ARHGEF7: variants seen among roughly 807,000 people sequenced by gnomAD.
The protein encoded by ARHGEF7 is Rho guanine nucleotide exchange factor 7.
ARHGEF7 carries 33 observed loss-of-function variants against 109.8 expected under a neutral mutation model. The observed-to-expected ratio is 0.30, with a 90% CI of 0.23 to 0.40. ARHGEF7 has a LOEUF of 0.40. Among genes scored for constraint, ARHGEF7 ranks in the 10% least tolerant of loss-of-function variants. The probability of loss-of-function intolerance (pLI) is 1.00; values close to 1 mark genes in which losing one functional copy is unlikely to be tolerated. For missense variants in ARHGEF7, 938 were observed against 1,098.5 expected (o/e 0.85, Z 2.07); for synonymous variants, 458 against 424.6 (o/e 1.08, Z -0.97).
At chr13:111,116,719 G>A (rs541485047) in intron 1 of ARHGEF7, 1 of 152,266 alleles carries the variant, frequency 6.6e-6, no homozygotes, top group South Asian at 2.1e-4. Flanking sequence ...ACAACAACTT[G>A]TAAATAAAAT....
chr13:111,186,328 G>A (rs1293901954), intron 2 of ARHGEF7, among the ~76,000 whole-genome samples: 1 of 152,164 alleles, frequency 6.6e-6, no homozygotes, highest in African/African-American at 2.4e-5. Flanking sequence ...TAGTGTTTGG[G>A]TGTTGATACA....
Position 111,292,262 on chromosome 13 carries a change from C to T in ARHGEF7, c.2279C>T (p.Thr760Ile). The T allele has an allele frequency of 6.2e-7, 1 of 1,614,224 alleles. No individual in the cohort carries two copies. Among genetic ancestry groups the T allele is most frequent in the Admixed American group, 1.7e-5 (1 of 60,032 alleles). The change falls in exon 19 of 22, where the codon ACA (threonine) becomes ATA (isoleucine). Residue 760 changes from threonine (T) to isoleucine (I), a missense_variant. By Grantham distance (89) the Thr-to-Ile change is moderately conservative. Coordinates refer to ENST00000646102, the MANE Select transcript of ARHGEF7 (RefSeq NM_001354046.2). ...GACTCTGACTATGACAGTATATGGA[C>T]AGCCCATAGTTACAGAATGGGTTCT... ...SEDSDYDSIWTAHSYRMGSTS... is the reference protein window; with the variant it reads ...SEDSDYDSIWIAHSYRMGSTS...
intron 16 of ARHGEF7, among the ~76,000 whole-genome samples, chr13:111,283,594 A>AG (rs1028168144): frequency 5.3e-5 from 8 of 152,186 alleles, no homozygotes; most frequent in Non-Finnish European, 7.4e-5. Flanking sequence ...TGCCATGCAC[A>AG]GGGGGGCCTT....
At chr13:111,241,748 T>A (rs2087826037) in intron 6 of ARHGEF7, among the ~76,000 whole-genome samples, 1 of 152,226 alleles carries the variant, frequency 6.6e-6, no homozygotes, top group African/African-American at 2.4e-5. Flanking sequence ...TAGGAACATT[T>A]TTCTGTTTGA....
rs1367885410 is a variant in ARHGEF7 at position 111,272,673 on chromosome 13, G to A, written c.1074-1141G>A. 6.6e-6 allele frequency among the ~76,000 whole-genome samples: 1 copy of A among 152,120 alleles called. No homozygotes were observed. The highest frequency in any genetic ancestry group is 2.4e-5 in the African/African-American group (1 of 41,416). ...ACCTGGGTCTCCTGGATGGGATGTG[G>A]TGACTGAGAAGTCATCCTGGTCTGG... On this transcript the variant is annotated intron_variant, in intron 9 of 21. Coordinates refer to ENST00000646102, the MANE Select transcript of ARHGEF7 (RefSeq NM_001354046.2). The surrounding 1 kb of genome is among the most constrained non-coding windows in gnomAD (Gnocchi z 5.2).
intron 8 of ARHGEF7, among the ~76,000 whole-genome samples, chr13:111,245,765 C>A (rs562878218): frequency 1.3e-5 from 2 of 152,154 alleles, no homozygotes; most frequent in South Asian, 4.1e-4. Context: ...ACTTTGAACT[C>A]GAATAAGAAA....
At chr13:111,157,574 GAA>G (rs199574782) in intron 2 of ARHGEF7, among the ~76,000 whole-genome samples, 3 of 147,232 alleles carry the variant, frequency 2.0e-5, no homozygotes, top group Non-Finnish European at 4.5e-5. Flanking sequence ...CTCAAAAAAA[GAA>G]AAAAAAAATG....
chr13:111,196,126 CAGA>C (rs1322971587), intron 2 of ARHGEF7, among the ~76,000 whole-genome samples: 1 of 152,184 alleles, frequency 6.6e-6, no homozygotes, highest in East Asian at 1.9e-4. Flanking sequence ...TCGAGGAAGG[CAGA>C]AGGATTTTCT....
chr13:111,211,497 A>G (rs558577973), intron 4 of ARHGEF7, among the ~76,000 whole-genome samples: 1 of 152,332 alleles, frequency 6.6e-6, no homozygotes, highest in South Asian at 2.1e-4. Flanking sequence ...TACTGAGATC[A>G]TAGTAAGTAT....
intron 2 of ARHGEF7, chr13:111,186,786 A>G (rs1007274520): frequency 2.0e-6 from 2 of 984,986 alleles, no homozygotes; most frequent in Non-Finnish European, 2.4e-6. Flanking sequence ...GCAGACCACT[A>G]AAGCTTCAGT....
chr13:111,127,514 G>A (rs541631881), intron 1 of ARHGEF7, among the ~76,000 whole-genome samples: 1 of 151,910 alleles, frequency 6.6e-6, no homozygotes, highest in African/African-American at 2.4e-5. Flanking sequence ...AAAATTAGCT[G>A]GATGTGCCTC....
Position 111,288,338 on chromosome 13 carries a change from G to A in ARHGEF7, c.2045-16G>A. On this transcript the variant is annotated splice_polypyrimidine_tract_variant and intron_variant, in intron 17 of 21. Transcript: ENST00000646102. ...CCTTTCAGTTCGACTGTGAACTGTTGCGCATCTCTTGACAGGCACAGCTGC... is the reference window on the plus strand; with the variant it reads ...CCTTTCAGTTCGACTGTGAACTGTTACGCATCTCTTGACAGGCACAGCTGC... 1.9e-6 allele frequency: 3 copies of A among 1,603,800 alleles called. No homozygotes were observed. The highest frequency in any genetic ancestry group is 2.6e-6 in the Non-Finnish European group (3 of 1,171,284).
chr13:111,202,570 C>A (rs1886555), intron 2 of ARHGEF7, among the ~76,000 whole-genome samples: 20,098 of 152,166 alleles, frequency 0.13, 1,345 homozygotes, highest in South Asian at 0.21. Context: ...AAGCACCCAG[C>A]AAGTCATGGT....
chr13:111,221,902 T>C (rs1358579009), intron 5 of ARHGEF7, among the ~76,000 whole-genome samples: 1 of 151,974 alleles, frequency 6.6e-6, no homozygotes, highest in Admixed American at 6.6e-5. Flanking sequence ...GGAGAGCCAG[T>C]CCGAGTCTCA....
intron 8 of ARHGEF7, among the ~76,000 whole-genome samples, chr13:111,259,880 G>A (rs1361326382): frequency 2.0e-5 from 3 of 152,164 alleles, no homozygotes; most frequent in African/African-American, 4.8e-5. Flanking sequence ...ATGACACAGA[G>A]AAGGAAATCA....
rs76032227 is a variant in ARHGEF7, at chr13:111,258,958, C to A, written c.951-8590C>A. Among the ~76,000 whole-genome samples, 1 of 152,076 alleles carries A rather than the reference C, an allele frequency of 6.6e-6. No individual in the cohort carries two copies. Among genetic ancestry groups the A allele is most frequent in the African/African-American group, 2.4e-5 (1 of 41,386 alleles). On this transcript the variant is annotated intron_variant, in intron 8 of 21. Transcript: ENST00000646102. This position sits in a 1 kb window ranked among gnomAD's most constrained non-coding sequence, Gnocchi z 4.4. ...AAACAGGCAGTACTTGCTGCAGGCC[C>A]GGTGGTGGCTACAGGGAGAGGTTTC...
In ARHGEF7 at chr13:111,283,303, C is replaced by T; in HGVS notation, c.1890C>T (p.Ser630=). 1 of 1,572,408 alleles carries T rather than the reference C, an allele frequency of 6.4e-7. No homozygotes were observed. Among genetic ancestry groups the T allele is most frequent in the Non-Finnish European group, 8.6e-7 (1 of 1,162,978 alleles). The change falls in exon 16 of 22, where the codon AGC becomes AGT. Residue 630 remains serine (S), a synonymous_variant. Transcript: ENST00000646102. ...LEPPKTPKPW[S]LSCLRPAPPL... ...CTCCGAAAACACCCAAGCCCTGGAG[C>T]CTGAGCTGCCTGCGGCCCGCGCCTC...
At chr13:111,230,660 C>T (rs932374383) in intron 5 of ARHGEF7, among the ~76,000 whole-genome samples, 13 of 152,028 alleles carry the variant, frequency 8.6e-5, no homozygotes, top group African/African-American at 1.5e-4. Context: ...CCACCTTGGG[C>T]GTTTGTGGAA....
intron 1 of ARHGEF7, among the ~76,000 whole-genome samples, chr13:111,137,799 G>A (rs2075156116): frequency 1.3e-5 from 2 of 152,162 alleles, no homozygotes; most frequent in Non-Finnish European, 2.9e-5. Flanking sequence ...TTAAATTGAG[G>A]CATGTATGGA....
Sources: allele counts gnomAD v4.1 joint callset (sites outside exome capture counted in the v4.1 genomes callset), GRCh38; gene constraint gnomAD v4.1.1; non-coding constraint Gnocchi (gnomAD v3.1); transcripts MANE v1.5; gene names NCBI Gene and HGNC (gene_info 2026-07-23, HGNC 2026-07-21).